The following RHOH variants were observed in gnomAD, a reference collection of about 807,000 sequenced individuals.
The protein encoded by RHOH is ras homolog family member H, also known as rho-related GTP-binding protein RhoH.
Under a neutral mutation model 13.8 loss-of-function variants are expected in RHOH, and 6 were observed. That is an observed-to-expected ratio of 0.44 (90% confidence interval 0.24 to 0.86). RHOH has a LOEUF of 0.86. Among genes scored for constraint, RHOH ranks in the 40% least tolerant of loss-of-function variants. The pLI is 0.24. For synonymous variants in RHOH, 117 were observed against 103.0 expected (o/e 1.14, Z -0.82); for missense variants, 147 against 244.5 (o/e 0.60, Z 2.66).
intron 1 of RHOH, among the ~76,000 whole-genome samples, chr4:40,241,589 A>C (rs1443684061): frequency 6.6e-6 from 1 of 152,178 alleles, no homozygotes; most frequent in African/African-American, 2.4e-5. Flanking sequence ...TGGGTTGACG[A>C]GGATAAAAAT....
chr4:40,201,657 T>G (rs1416362881), intron 1 of RHOH, among the ~76,000 whole-genome samples: 1 of 151,240 alleles, frequency 6.6e-6, no homozygotes, highest in African/African-American at 2.4e-5. Context: ...CTCCCCACCT[T>G]TTTTTTTTCG....
chr4:40,200,167 A>G (rs1352558001), intron 1 of RHOH, among the ~76,000 whole-genome samples: 1 of 152,148 alleles, frequency 6.6e-6, no homozygotes, highest in African/African-American at 2.4e-5. Context: ...GGATGACCCC[A>G]GGGGGGTGGA....
chr4:40,209,438 G>C (rs1055431000), intron 1 of RHOH: 7 of 151,152 alleles, frequency 4.6e-5, no homozygotes, highest in African/African-American at 1.2e-4. Flanking sequence ...TTCCCAAAGA[G>C]ATTTTTTTTT....
At chr4:40,224,286 C>T (rs187932714) in intron 1 of RHOH, among the ~76,000 whole-genome samples, 7 of 152,278 alleles carry the variant, frequency 4.6e-5, no homozygotes, top group Admixed American at 2.6e-4. Context: ...TTAATTTAAC[C>T]CCTGCGTCTT....
In RHOH at chr4:40,243,855, C is replaced by A; in HGVS notation, c.469C>A (p.Arg157=). Residue 157 remains arginine, a synonymous_variant, in exon 3 of 3, where the codon CGG becomes AGG. Transcript: ENST00000381799. The surrounding 1 kb of genome is among the most constrained non-coding windows in gnomAD (Gnocchi z 6.2). The part of the protein sequence containing the change: ...GYLECSALSN[R]GVQQVFECAV... ...CCTGGAGTGCTCAGCCCTTAGCAATCGGGGAGTACAGCAGGTGTTTGAGTG... is the reference window on the plus strand; with the variant it reads ...CCTGGAGTGCTCAGCCCTTAGCAATAGGGGAGTACAGCAGGTGTTTGAGTG... The A allele has an allele frequency of 6.2e-7, 1 of 1,614,136 alleles. No homozygotes were observed. Among genetic ancestry groups the A allele is most frequent in the Non-Finnish European group, 8.5e-7 (1 of 1,180,012 alleles).
At chr4:40,210,264 C>A (rs780826602) in intron 1 of RHOH, among the ~76,000 whole-genome samples, 1 of 152,154 alleles carries the variant, frequency 6.6e-6, no homozygotes, top group Non-Finnish European at 1.5e-5. Context: ...TACCTACCAA[C>A]GGGGACTTAA....
rs576766637 is a variant in RHOH at position 40,240,712 on chromosome 4, G to A, written c.-330-2002G>A. Among the ~76,000 whole-genome samples the A allele has an allele frequency of 1.3e-4, 20 of 152,250 alleles. No homozygotes were observed. The South Asian group carries it at 4.1e-3, about 32-fold the overall frequency. On this transcript the variant is annotated intron_variant, in intron 1 of 2. Transcript: ENST00000381799. The stretch of plus-strand genomic sequence containing the variant: ...GAATTGCTTAAACCCAGGAGGCAGA[G>A]GTTGCAGTGAGCCGAGATCGAGCCA...
At chr4:40,225,646 G>A (rs1233616621) in intron 1 of RHOH, among the ~76,000 whole-genome samples, 1 of 152,212 alleles carries the variant, frequency 6.6e-6, no homozygotes, top group East Asian at 1.9e-4. Context: ...GTGTCTGACT[G>A]AGGAAGAATC....
At chr4:40,205,061 G>A (rs1327185548) in intron 1 of RHOH, among the ~76,000 whole-genome samples, 2 of 152,152 alleles carry the variant, frequency 1.3e-5, no homozygotes, top group Non-Finnish European at 2.9e-5. Context: ...TCAGGAGTTC[G>A]AAATCAGCCT....
chr4:40,227,483 G>A (rs935907712), intron 1 of RHOH, among the ~76,000 whole-genome samples: 7 of 152,166 alleles, frequency 4.6e-5, no homozygotes, highest in African/African-American at 1.2e-4. Flanking sequence ...CAAGTCCTTG[G>A]TTTCCTCATG....
At chr4:40,198,087 T>A (rs1337095655) in intron 1 of RHOH, among the ~76,000 whole-genome samples, 1 of 152,182 alleles carries the variant, frequency 6.6e-6, no homozygotes, top group Admixed American at 6.5e-5. Flanking sequence ...GTAGTTGTGA[T>A]AAGAAGTAAA....
rs1010216252 is a variant in RHOH at position 40,218,846 on chromosome 4, G to A, written c.-331+21546G>A. Reference sequence around the variant, plus strand: ...AGTAGAGCTGGGATTCAAGCCTGATGGTCAGTCCAGGGCTCTGATCACCAC... The same window carrying A: ...AGTAGAGCTGGGATTCAAGCCTGATAGTCAGTCCAGGGCTCTGATCACCAC... On this transcript the variant is annotated intron_variant, in intron 1 of 2. Transcript: ENST00000381799. This position sits in a 1 kb window ranked among gnomAD's most constrained non-coding sequence, Gnocchi z 4.1. Among the ~76,000 whole-genome samples the A allele has an allele frequency of 2.0e-5, 3 of 152,180 alleles. No homozygotes were observed. The highest frequency in any genetic ancestry group is 6.5e-5 in the Admixed American group (1 of 15,278).
At chr4:40,204,962 G>C (rs942245412) in intron 1 of RHOH, among the ~76,000 whole-genome samples, 2 of 152,166 alleles carry the variant, frequency 1.3e-5, no homozygotes, top group African/African-American at 4.8e-5. Flanking sequence ...GCCTTGGGTG[G>C]CACAAGAAAT....
intron 1 of RHOH, among the ~76,000 whole-genome samples, chr4:40,205,517 C>T (rs1724542252): frequency 6.6e-6 from 1 of 152,162 alleles, no homozygotes; most frequent in South Asian, 2.1e-4. Flanking sequence ...TCCTGTGTAG[C>T]CTTTTGATCA....
chr4:40,203,733 G>A lies in RHOH; in HGVS notation c.-331+6433G>A, dbSNP rs146795142. On this transcript the variant is annotated intron_variant, in intron 1 of 2. Coordinates refer to ENST00000381799, the MANE Select transcript of RHOH (RefSeq NM_004310.5). ...TTACGATATTCCTTAAAGGAATATA[G>A]TTTGTGGCACAAAATCCTCTTCCAC... Among the ~76,000 whole-genome samples, 199 of 152,238 alleles carry A rather than the reference G, an allele frequency of 1.3e-3. No homozygotes were observed. In the Middle Eastern group the frequency reaches 0.014, roughly 10 times the overall value.
At position 40,243,129 on chromosome 4, in the gene RHOH, G is replaced by C. The variant is rs1046786637; in HGVS notation, c.-209-49G>C. Reference sequence around the variant, plus strand: ...AGGAAGCCCCTTATCTTCAAAAAAGGCAAGAAAGAAAGAAAGACTTCATTT... The same window carrying C: ...AGGAAGCCCCTTATCTTCAAAAAAGCCAAGAAAGAAAGAAAGACTTCATTT... On this transcript the variant is annotated intron_variant, in intron 2 of 2. Coordinates refer to ENST00000381799, the MANE Select transcript of RHOH (RefSeq NM_004310.5). This position sits in a 1 kb window ranked among gnomAD's most constrained non-coding sequence, Gnocchi z 6.2. 7.5e-6 allele frequency: 3 copies of C among 400,374 alleles called. No individual in the cohort carries two copies. The highest frequency in any genetic ancestry group is 1.3e-5 in the Non-Finnish European group (3 of 224,056). 24.8% of individuals were successfully genotyped at this position (400,374 alleles called of 1,614,324 possible).
chr4:40,205,210 G>A (rs1278072282), intron 1 of RHOH, among the ~76,000 whole-genome samples: 1 of 152,178 alleles, frequency 6.6e-6, no homozygotes, highest in Non-Finnish European at 1.5e-5. Flanking sequence ...GTTTCAGTGA[G>A]CCAAGATCGT....
At chr4:40,203,347 C>T (rs1373333428) in intron 1 of RHOH, among the ~76,000 whole-genome samples, 1 of 152,218 alleles carries the variant, frequency 6.6e-6, no homozygotes, top group African/African-American at 2.4e-5. Flanking sequence ...CATCCAGGTT[C>T]CATCTCCATG....
In RHOH at chr4:40,218,593, G is replaced by A. The variant is rs1200094222; in HGVS notation, c.-331+21293G>A. Among the ~76,000 whole-genome samples the A allele has an allele frequency of 2.6e-5, 4 of 152,164 alleles. No individual in the cohort carries two copies. Among genetic ancestry groups the A allele is most frequent in the Non-Finnish European group, 4.4e-5 (3 of 68,032 alleles). On this transcript the variant is annotated intron_variant, in intron 1 of 2. Coordinates refer to ENST00000381799, the MANE Select transcript of RHOH (RefSeq NM_004310.5). This position sits in a 1 kb window ranked among gnomAD's most constrained non-coding sequence, Gnocchi z 4.1. ...GAAGGCATGAGGAACAGCTTGGGAG[G>A]GGAAAAAGTTCATCTGGTGGCAGGA...
Sources: gnomAD v4.1 joint callset for allele counts (sites outside exome capture counted in the v4.1 genomes callset) on GRCh38, gnomAD v4.1.1 for gene constraint, Gnocchi (gnomAD v3.1) non-coding constraint, MANE v1.5 for transcripts, NCBI Gene and HGNC (gene_info 2026-07-23, HGNC 2026-07-21) for gene names.